Variants in DHX35 observed in about 807,000 individuals in gnomAD.
DHX35 encodes the protein probable ATP-dependent RNA helicase DHX35.
DHX35 carries 84 observed loss-of-function variants against 99.6 expected under a neutral mutation model. That is an observed-to-expected ratio of 0.84 (90% CI 0.71 to 1.01). The LOEUF is 1.01. DHX35 is among the 50% of genes least tolerant of loss of function. DHX35 has a pLI of 0.00. For synonymous variants in DHX35, 331 were observed against 316.2 expected (o/e 1.05, Z -0.50); for missense variants, 852 against 888.5 (o/e 0.96, Z 0.52).
Position 39,023,700 on chromosome 20 carries a change from AC to A in DHX35, c.1606del (p.Arg536ValfsTer35). The A allele has an allele frequency of 6.2e-7, 1 of 1,614,024 alleles. No homozygotes were observed. The highest frequency in any genetic ancestry group is 8.5e-7 in the Non-Finnish European group (1 of 1,179,902). ...PNQKSHAIRV[H>X]RKFAVEEGDH... ...CTTCATTCTTTCCAGATTCGAGTGC[AC>A]CGTAAATTTGCTGTGGAGGAGGGCG... On this transcript the variant is annotated frameshift_variant, in exon 17 of 22. Transcript: ENST00000252011. LOFTEE classifies it high-confidence loss of function.
chr20:39,020,040 A>G (rs923516908), intron 15 of DHX35, among the ~76,000 whole-genome samples: 2 of 152,056 alleles, frequency 1.3e-5, no homozygotes, highest in African/African-American at 2.4e-5. Flanking sequence ...CTCCAGTTCC[A>G]TTTATGCTGT....
At chr20:39,018,927 A>G in intron 15 of DHX35, 28 bp downstream of exon 15, 2 of 1,610,696 alleles carry the variant, frequency 1.2e-6, no homozygotes, top group East Asian at 2.2e-5. Context: ...GCTTGAATTG[A>G]TTTTATTTTG....
At chr20:39,026,773 G>A (rs1265693980) in intron 18 of DHX35, among the ~76,000 whole-genome samples, 1 of 152,138 alleles carries the variant, frequency 6.6e-6, no homozygotes, top group African/African-American at 2.4e-5. Flanking sequence ...ACGAGAGAGG[G>A]AAGAGTTGAA....
intron 1 of DHX35, among the ~76,000 whole-genome samples, chr20:38,968,007 T>C: frequency 6.6e-6 from 1 of 152,118 alleles, no homozygotes; most frequent in East Asian, 1.9e-4. Flanking sequence ...CCATAGCACT[T>C]ATGACCACTT....
chr20:38,991,569 A>C (rs941801772), intron 6 of DHX35, 54 bp downstream of exon 6: 1 of 1,522,156 alleles, frequency 6.6e-7, no homozygotes, highest in African/African-American at 1.4e-5. Flanking sequence ...CCCCAGGTAG[A>C]CGGAGAAGCA....
At chr20:39,025,155 G>A in intron 17 of DHX35, 75 bp from the exon 18 acceptor site, 2 of 1,489,498 alleles carry the variant, frequency 1.3e-6, no homozygotes, top group South Asian at 2.7e-5. Context: ...GAAGAGAGAA[G>A]AATGATCTTT....
At chr20:39,022,347 T>G (rs769073666) in intron 16 of DHX35, among the ~76,000 whole-genome samples, 1 of 152,042 alleles carries the variant, frequency 6.6e-6, no homozygotes, top group Non-Finnish European at 1.5e-5. Context: ...TTAGTAGAGA[T>G]GGGGTTTCAC....
At chr20:38,962,743 G>A (rs992719837) in intron 1 of DHX35, 4 of 340,638 alleles carry the variant, frequency 1.2e-5, no homozygotes, top group African/African-American at 4.3e-5. Flanking sequence ...GCGCCCTGGG[G>A]TTGCGCTGTG....
At chr20:38,996,159 T>G (rs1406975175) in intron 8 of DHX35, among the ~76,000 whole-genome samples, 1 of 152,226 alleles carries the variant, frequency 6.6e-6, no homozygotes, top group Non-Finnish European at 1.5e-5. Flanking sequence ...AGAGAGGCGC[T>G]CTCTAAAACA....
At chr20:39,026,040 G>T (rs1240264127) in intron 18 of DHX35, among the ~76,000 whole-genome samples, 1 of 152,162 alleles carries the variant, frequency 6.6e-6, no homozygotes, top group Non-Finnish European at 1.5e-5. Context: ...TCTGTATGTG[G>T]CTCAGAAGTC....
At chr20:39,026,350 G>T (rs971493009) in intron 18 of DHX35, among the ~76,000 whole-genome samples, 1 of 152,160 alleles carries the variant, frequency 6.6e-6, no homozygotes, top group East Asian at 1.9e-4. Flanking sequence ...GAGCCCAGGC[G>T]GTTCCATTTA....
At chr20:39,028,318 C>A in intron 18 of DHX35, 100 bp from the exon 19 acceptor site, 1 of 1,177,162 alleles carries the variant, frequency 8.5e-7, no homozygotes, top group Non-Finnish European at 1.3e-6. Flanking sequence ...TGTCTTGAAG[C>A]AGCCTGGGGT....
At chr20:39,017,154 T>C (rs2086799524) in intron 14 of DHX35, among the ~76,000 whole-genome samples, 1 of 152,184 alleles carries the variant, frequency 6.6e-6, no homozygotes, top group Admixed American at 6.5e-5. Flanking sequence ...GGTTTTATAG[T>C]TTTGGCCCTT....
intron 15 of DHX35, 103 bp from the exon 16 acceptor site, chr20:39,021,738 G>C: frequency 8.8e-7 from 1 of 1,137,236 alleles, no homozygotes; most frequent in South Asian, 1.3e-5. Flanking sequence ...GAAAAAATAT[G>C]ATCTTAGTCT....
intron 1 of DHX35, 154 bp downstream of exon 1, chr20:38,962,561 C>A: frequency 2.2e-6 from 2 of 891,064 alleles, no homozygotes; most frequent in Admixed American, 2.7e-5. Flanking sequence ...CTGGCTCAGG[C>A]TCCCCAGTGG....
chr20:38,999,043 C>T (rs1413416715), intron 8 of DHX35, among the ~76,000 whole-genome samples: 1 of 152,182 alleles, frequency 6.6e-6, no homozygotes, highest in East Asian at 1.9e-4. Context: ...AGGCCATCCA[C>T]CCGCCTTGGC....
Position 39,006,183 on chromosome 20 carries a change from C to A in DHX35, c.1049C>A (p.Thr350Lys). 1.2e-6 allele frequency: 2 copies of A among 1,614,144 alleles called. No individual in the cohort carries two copies. The highest frequency in any genetic ancestry group is 2.2e-5 in the East Asian group (1 of 44,886). The change falls in exon 12 of 22, where the codon ACA becomes AAA. Residue 350 changes from threonine (T) to lysine (K), a missense_variant. Thr to Lys is a moderately conservative substitution (Grantham distance 78, BLOSUM62 -1). Transcript: ENST00000252011. ...VATNVAETSITISGIVYVIDC... is the reference protein window; with the variant it reads ...VATNVAETSIKISGIVYVIDC... ...ACCAATGTGGCAGAAACCTCTATCA[C>A]AATCAGCGGCATTGTGTATGTGATC...
At chr20:39,017,557 G>T (rs761841452) in intron 14 of DHX35, among the ~76,000 whole-genome samples, 1 of 151,688 alleles carries the variant, frequency 6.6e-6, no homozygotes, top group South Asian at 2.1e-4. Context: ...GGGACCCCCC[G>T]CCTCCCCCCG....
intron 3 of DHX35, among the ~76,000 whole-genome samples, chr20:38,976,918 G>C (rs2086088229): frequency 6.6e-6 from 1 of 152,088 alleles, no homozygotes; most frequent in Admixed American, 6.6e-5. Context: ...ATCTGTGTTG[G>C]CGCAAATGAC....
Sources: gnomAD v4.1 joint callset for allele counts (sites outside exome capture counted in the v4.1 genomes callset) on GRCh38, gnomAD v4.1.1 for gene constraint, MANE v1.5 for transcripts, NCBI Gene and HGNC (gene_info 2026-07-23, HGNC 2026-07-21) for gene names.